Variants in SOX5 observed in about 807,000 individuals in gnomAD.
The protein encoded by SOX5 is SRY-box transcription factor 5, also known as transcription factor SOX-5.
A neutral mutation model predicts 92.0 loss-of-function variants in SOX5; 9 were observed. The observed-to-expected ratio is 0.10, with a 90% CI of 0.06 to 0.17. The LOEUF (loss-of-function observed/expected upper bound fraction) is 0.17, where lower values mean the gene tolerates loss of function less well. SOX5 is among the 10% of genes least tolerant of loss of function. The pLI, the probability that SOX5 is intolerant of heterozygous loss-of-function variation, is 1.00. For missense variants in SOX5, 642 were observed against 944.5 expected, an observed-to-expected ratio of 0.68 and a Z score of 4.20; for synonymous variants, 344 against 336.3, an observed-to-expected ratio of 1.02 and a Z score of -0.25.
At chr12:24,015,632 C>T (rs1475060492) in intron 4 of SOX5, among the ~76,000 whole-genome samples, 3 of 152,032 alleles carry the variant, frequency 2.0e-5, no homozygotes, top group Admixed American at 6.6e-5. Flanking sequence ...CAAAAATGTA[C>T]GGGAGCCAAT....
intron 3 of SOX5, among the ~76,000 whole-genome samples, chr12:23,778,645 T>C (rs2095183223): frequency 6.6e-6 from 1 of 152,182 alleles, no homozygotes; most frequent in Non-Finnish European, 1.5e-5. Context: ...ATAAGCAGAT[T>C]GGTAAATTCC....
At chr12:24,304,818 C>T (rs990230449) in intron 2 of SOX5, among the ~76,000 whole-genome samples, 9 of 152,152 alleles carry the variant, frequency 5.9e-5, no homozygotes, top group African/African-American at 2.2e-4. Context: ...AAGAAAGAGG[C>T]TGGACAGTCT....
upstream of SOX5, among the ~76,000 whole-genome samples, chr12:23,953,381 T>A (rs1229410250): frequency 6.6e-6 from 1 of 152,072 alleles, no homozygotes; most frequent in African/African-American, 2.4e-5. Flanking sequence ...AAATTCTTTT[T>A]CAATTATCAG....
At chr12:23,598,590 G>A (rs754115052) in intron 9 of SOX5, among the ~76,000 whole-genome samples, 3 of 151,414 alleles carry the variant, frequency 2.0e-5, no homozygotes, top group Admixed American at 6.6e-5. Flanking sequence ...TAGTAGAGAT[G>A]GGGTTTCACC....
chr12:23,940,751 CA>C, intron 1 of SOX5, among the ~76,000 whole-genome samples: 1 of 117,290 alleles, frequency 8.5e-6, no homozygotes, highest in Non-Finnish European at 1.9e-5. Flanking sequence ...GTATTACACA[CA>C]CACACACACA....
chr12:24,333,290 T>G (rs1393687992), intron 2 of SOX5, among the ~76,000 whole-genome samples: 1 of 152,008 alleles, frequency 6.6e-6, no homozygotes, highest in East Asian at 1.9e-4. Context: ...AATTTATAAC[T>G]ATAATATTTT....
At chr12:24,498,724 T>C (rs772883806) in intron 1 of SOX5, among the ~76,000 whole-genome samples, 11 of 152,162 alleles carry the variant, frequency 7.2e-5, no homozygotes, top group Non-Finnish European at 1.0e-4. Flanking sequence ...AATCAGATCA[T>C]TACACCCTTC....
chr12:24,180,525 G>A (rs1288346161), intron 4 of SOX5, among the ~76,000 whole-genome samples: 4 of 152,048 alleles, frequency 2.6e-5, no homozygotes, highest in African/African-American at 4.8e-5. Flanking sequence ...CCCAGCATTC[G>A]TTTAGCCCAG....
At chr12:24,456,297 G>A (rs1309472107) in intron 1 of SOX5, among the ~76,000 whole-genome samples, 1 of 152,150 alleles carries the variant, frequency 6.6e-6, no homozygotes, top group Non-Finnish European at 1.5e-5. Context: ...TCCTTTATTA[G>A]AAATGGTTTT....
intron 1 of SOX5, among the ~76,000 whole-genome samples, chr12:24,426,308 CG>C (rs1966759868): frequency 2.1e-5 from 1 of 48,726 alleles, no homozygotes; most frequent in Admixed American, 3.0e-4. Context: ...TGGGGCCTGT[CG>C]GGGGGTGGGG....
intron 1 of SOX5, among the ~76,000 whole-genome samples, chr12:24,459,466 C>T (rs1201763487): frequency 1.3e-5 from 2 of 152,110 alleles, no homozygotes; most frequent in Admixed American, 6.5e-5. Flanking sequence ...AATAATGTCC[C>T]CTGCTTCTCC....
intron 1 of SOX5, among the ~76,000 whole-genome samples, chr12:24,546,421 A>T (rs919005820): frequency 2.0e-5 from 3 of 152,186 alleles, no homozygotes; most frequent in African/African-American, 7.2e-5. Flanking sequence ...GTCTGTAATA[A>T]AAAGATCACC....
intron 3 of SOX5, among the ~76,000 whole-genome samples, chr12:24,258,531 C>T (rs1308038441): frequency 1.3e-5 from 2 of 152,148 alleles, no homozygotes; most frequent in Non-Finnish European, 2.9e-5. Context: ...TATTTGTTAG[C>T]AAGTTACCTG....
At chr12:23,649,671 T>G (rs2081307770) in intron 7 of SOX5, among the ~76,000 whole-genome samples, 1 of 152,098 alleles carries the variant, frequency 6.6e-6, no homozygotes, top group African/African-American at 2.4e-5. Flanking sequence ...GAATACAACA[T>G]AGCTTACAGT....
At chr12:23,582,015 TG>T in intron 9 of SOX5, 1 of 233,214 alleles carries the variant, frequency 4.3e-6, no homozygotes, top group Non-Finnish European at 7.0e-6. Context: ...TAATACCATA[TG>T]GGGATGAGTA....
At chr12:24,374,885 C>T (rs768971924) in intron 1 of SOX5, among the ~76,000 whole-genome samples, 60 of 152,150 alleles carry the variant, frequency 3.9e-4, no homozygotes, top group Non-Finnish European at 7.9e-4. Flanking sequence ...TGTGTAGTCA[C>T]TAGGGTGACA....
At chr12:24,471,469 G>A (rs1158584822) in intron 1 of SOX5, among the ~76,000 whole-genome samples, 1 of 152,102 alleles carries the variant, frequency 6.6e-6, no homozygotes, top group Non-Finnish European at 1.5e-5. Flanking sequence ...ATTATCCTGA[G>A]CATTAATTAT....
Position 23,530,140 on chromosome 12 carries a change from G to A in SOX5, c.*4079C>T, listed in dbSNP as rs928143689. 1 of 152,094 alleles carries A rather than the reference G, an allele frequency of 6.6e-6. No homozygotes were observed. The highest frequency in any genetic ancestry group is 1.5e-5 in the Non-Finnish European group (1 of 68,000). 9.4% of individuals were successfully genotyped at this position (152,094 alleles called of 1,614,324 possible). A position where few individuals can be genotyped will look rare whatever the true frequency, so the allele number is the denominator to read the frequency against. Reference sequence around the variant, plus strand: ...AGGGATACCTGAACCACTTTAAGTGGCCTTCATAGTTTTCCTTGCAGACCC... The same window carrying A: ...AGGGATACCTGAACCACTTTAAGTGACCTTCATAGTTTTCCTTGCAGACCC... On this transcript the variant is annotated 3_prime_UTR_variant, in exon 15 of 15. Coordinates refer to ENST00000451604, the MANE Select transcript of SOX5 (RefSeq NM_006940.6).
chr12:23,859,996 G>A (rs1367035584), intron 2 of SOX5, among the ~76,000 whole-genome samples: 1 of 152,122 alleles, frequency 6.6e-6, no homozygotes, highest in Non-Finnish European at 1.5e-5. Context: ...TCTTTTGAGG[G>A]AATATGAATG....
Sources: gnomAD v4.1 joint callset for allele counts (sites outside exome capture counted in the v4.1 genomes callset) on GRCh38, gnomAD v4.1.1 for gene constraint, MANE v1.5 for transcripts, NCBI Gene and HGNC (gene_info 2026-07-23, HGNC 2026-07-21) for gene names.